AGPAT3: variants seen among roughly 807,000 people sequenced by gnomAD.
AGPAT3 encodes the protein 1-acylglycerol-3-phosphate O-acyltransferase 3.
A neutral mutation model predicts 47.3 loss-of-function variants in AGPAT3; 5 were observed. The observed-to-expected ratio is 0.11, with a 90% CI of 0.06 to 0.22. The LOEUF (loss-of-function observed/expected upper bound fraction) is 0.22, where lower values mean the gene tolerates loss of function less well. AGPAT3 is among the 10% of genes least tolerant of loss of function. The probability of loss-of-function intolerance (pLI) is 1.00; values close to 1 mark genes in which losing one functional copy is unlikely to be tolerated. For synonymous variants in AGPAT3, 212 were observed against 208.3 expected, an observed-to-expected ratio of 1.02 and a Z score of -0.15; for missense variants, 315 against 493.0, an observed-to-expected ratio of 0.64 and a Z score of 3.42.
At chr21:43,866,377 GGGGGCTGGGAGGTGGGGCGGGCGGC>G in intron 1 of AGPAT3, among the ~76,000 whole-genome samples, 1 of 152,228 alleles carries the variant, frequency 6.6e-6, no homozygotes, top group South Asian at 2.1e-4. Context: ...AGAGCCTGCT[GGGGGCTGGGAGGTGGGGCGGGCGGC>G]GGGCCCAGGC....
At chr21:43,979,047 C>G (rs1033649898) in intron 8 of AGPAT3, among the ~76,000 whole-genome samples, 2 of 152,102 alleles carry the variant, frequency 1.3e-5, no homozygotes, top group Non-Finnish European at 2.9e-5. Flanking sequence ...CCTGTAATCC[C>G]AGCACTTTGG....
chr21:43,873,124 G>A (rs529026915), intron 1 of AGPAT3, among the ~76,000 whole-genome samples: 69 of 152,330 alleles, frequency 4.5e-4, no homozygotes, highest in African/African-American at 1.4e-3. Context: ...ATCGAGTGGC[G>A]GGTGCACCTG....
chr21:43,879,839 C>T (rs920148058), intron 1 of AGPAT3, among the ~76,000 whole-genome samples: 5 of 152,098 alleles, frequency 3.3e-5, no homozygotes, highest in Non-Finnish European at 5.9e-5. Flanking sequence ...AATCTAGAAG[C>T]GACAGCCTGA....
chr21:43,959,583 G>C, intron 2 of AGPAT3, 51 bp from the exon 3 acceptor site: 1 of 1,547,754 alleles, frequency 6.5e-7, no homozygotes, highest in Non-Finnish European at 8.8e-7. Context: ...GTGTTCCTGT[G>C]AGGGTGTGGG....
rs764095835 is a variant in AGPAT3, at chr21:43,985,154, C to A, written c.*2762C>A. ...GACGCCGCTGGCCTCCCAGCTTAGG[C>A]CCAGGTGCCAGGTGTCATGGGGTCT... On this transcript the variant is annotated 3_prime_UTR_variant, in exon 10 of 10. Transcript: ENST00000291572. The A allele has an allele frequency of 2.2e-6, 1 of 456,320 alleles. No individual in the cohort carries two copies. Among genetic ancestry groups the A allele is most frequent in the Non-Finnish European group, 4.4e-6 (1 of 226,976 alleles). The allele number at this position is 456,320 out of a possible 1,614,324, so 28.3% of individuals were successfully genotyped here. A position where few individuals can be genotyped will look rare whatever the true frequency, so the allele number is the denominator to read the frequency against.
chr21:43,884,785 G>A (rs1394258497), intron 1 of AGPAT3, among the ~76,000 whole-genome samples: 1 of 152,162 alleles, frequency 6.6e-6, no homozygotes, highest in East Asian at 1.9e-4. Flanking sequence ...TGGGTACTGG[G>A]TGCTCTGGTG....
chr21:43,945,530 C>T (rs1211775853), intron 2 of AGPAT3, among the ~76,000 whole-genome samples: 1 of 152,164 alleles, frequency 6.6e-6, no homozygotes, highest in East Asian at 1.9e-4. Flanking sequence ...GGCCGAGGTT[C>T]AGGGAACCCT....
intron 8 of AGPAT3, 107 bp from the exon 9 acceptor site, chr21:43,980,882 C>CT (rs1236511268): frequency 1.1e-5 from 12 of 1,133,040 alleles, no homozygotes; most frequent in East Asian, 2.4e-5. Flanking sequence ...TGACGTGGCG[C>CT]TTTTTTTAGG....
chr21:43,898,005 C>G (rs2086267433), intron 1 of AGPAT3, among the ~76,000 whole-genome samples: 1 of 152,156 alleles, frequency 6.6e-6, no homozygotes, highest in South Asian at 2.1e-4. Context: ...GCGGCGCGCG[C>G]CTGCAATCCC....
At chr21:43,925,257 G>A (rs948445118) in intron 2 of AGPAT3, 1 of 152,652 alleles carries the variant, frequency 6.6e-6, no homozygotes, top group Admixed American at 6.5e-5. Context: ...GGCTTGCAGA[G>A]ACTCTGGGTC....
chr21:43,968,531 GC>G (rs1180950900), intron 4 of AGPAT3, among the ~76,000 whole-genome samples: 5 of 151,920 alleles, frequency 3.3e-5, no homozygotes, highest in African/African-American at 1.2e-4. Context: ...GGCTAGGGGA[GC>G]AGGGGACTCC....
intron 2 of AGPAT3, among the ~76,000 whole-genome samples, chr21:43,944,680 T>G (rs1305558017): frequency 6.6e-6 from 1 of 152,060 alleles, no homozygotes; most frequent in Non-Finnish European, 1.5e-5. Flanking sequence ...CTCTGTGCAG[T>G]GGGATTATTA....
chr21:43,953,569 G>T (rs2088305380), intron 2 of AGPAT3, among the ~76,000 whole-genome samples: 1 of 152,206 alleles, frequency 6.6e-6, no homozygotes, highest in South Asian at 2.1e-4. Flanking sequence ...TTAAGCAAAA[G>T]AGACTTTTAA....
intron 2 of AGPAT3, among the ~76,000 whole-genome samples, chr21:43,945,167 C>T (rs1353684731): frequency 1.3e-5 from 2 of 152,200 alleles, no homozygotes; most frequent in Admixed American, 1.3e-4. Context: ...ATCCAGCCAG[C>T]TCCGTTTTCC....
chr21:43,922,568 A>C lies in AGPAT3; in HGVS notation c.-49+18549A>C, dbSNP rs553096283. Among the ~76,000 whole-genome samples, 1 of 152,260 alleles carries C rather than the reference A, an allele frequency of 6.6e-6. No homozygotes were observed. The highest frequency in any genetic ancestry group is 1.9e-4 in the East Asian group (1 of 5,176). On this transcript the variant is annotated intron_variant, in intron 2 of 9. Coordinates refer to ENST00000291572, the MANE Select transcript of AGPAT3 (RefSeq NM_020132.5). This position sits in a 1 kb window ranked among gnomAD's most constrained non-coding sequence, Gnocchi z 4.9. ...AAGAGAGGCCTGCATGGCAGGGGGC[A>C]CAGAGACTCTGGGCCTGGGTCCCCC...
At position 43,920,897 on chromosome 21, in the gene AGPAT3, G is replaced by A. The variant is rs867467274; in HGVS notation, c.-49+16878G>A. ...TCCCAGCACTTTGGGAGGCTGAGGC[G>A]GGCAGATCACGAGGTCAGGAGATCA... is the stretch of plus-strand genomic sequence containing the variant. On this transcript the variant is annotated intron_variant, in intron 2 of 9. Coordinates refer to ENST00000291572, the MANE Select transcript of AGPAT3 (RefSeq NM_020132.5). This position sits in a 1 kb window ranked among gnomAD's most constrained non-coding sequence, Gnocchi z 6.1. Among the ~76,000 whole-genome samples, 30 of 151,912 alleles carry A rather than the reference G, an allele frequency of 2.0e-4. No individual in the cohort carries two copies. The highest frequency in any genetic ancestry group is 3.4e-3 in the Middle Eastern group (1 of 294).
intron 1 of AGPAT3, among the ~76,000 whole-genome samples, chr21:43,888,532 TTAAAA>T (rs1264520154): frequency 7.2e-5 from 11 of 152,262 alleles, no homozygotes; most frequent in Admixed American, 2.6e-4. Flanking sequence ...ACCCCGGAAC[TTAAAA>T]TAAAAGTTGA....
At chr21:43,925,017 A>G (rs2087007312) in intron 2 of AGPAT3, 2 of 152,060 alleles carry the variant, frequency 1.3e-5, no homozygotes, top group African/African-American at 4.8e-5. Context: ...GCGCCGACAC[A>G]TGGTCGTTCG....
intron 2 of AGPAT3, among the ~76,000 whole-genome samples, chr21:43,904,539 C>T (rs2086441344): frequency 6.6e-6 from 1 of 152,090 alleles, no homozygotes; most frequent in Admixed American, 6.6e-5. Flanking sequence ...GGGTCGGTGC[C>T]CTGCTCTTGG....
Sources: allele counts gnomAD v4.1 joint callset (sites outside exome capture counted in the v4.1 genomes callset), GRCh38; gene constraint gnomAD v4.1.1; non-coding constraint Gnocchi (gnomAD v3.1); transcripts MANE v1.5; gene names NCBI Gene and HGNC (gene_info 2026-07-23, HGNC 2026-07-21).